Variants in ROBO2 observed in about 807,000 individuals in gnomAD.
ROBO2 encodes the protein roundabout guidance receptor 2.
In ROBO2, 53 loss-of-function variants were observed where a neutral mutation model predicts 160.8. The observed-to-expected ratio is 0.33, with a 90% CI of 0.26 to 0.41. The LOEUF (loss-of-function observed/expected upper bound fraction) is 0.41. Among genes scored for constraint, ROBO2 ranks in the 10% least tolerant of loss-of-function variants. The pLI, the probability that ROBO2 is intolerant of heterozygous loss-of-function variation, is 1.00. For missense variants in ROBO2, 1,577 were observed against 1,722.4 expected (o/e 0.92, Z 1.49); for synonymous variants, 664 against 611.7 (o/e 1.09, Z -1.26).
chr3:77,123,518 C>A (rs981443777), intron 2 of ROBO2, among the ~76,000 whole-genome samples: 1 of 151,994 alleles, frequency 6.6e-6, no homozygotes, highest in African/African-American at 2.4e-5. Flanking sequence ...GTTACTAGAG[C>A]TTTCTGTGAA....
At position 77,565,043 on chromosome 3, in the gene ROBO2, A is replaced by G. The variant is rs2093438522; in HGVS notation, c.1772A>G (p.Tyr591Cys). Residue 591 changes from tyrosine (Y) to cysteine (C), a missense_variant, in exon 12 of 26, where the codon TAC becomes TGC. Tyr to Cys is a radical substitution (Grantham distance 194). This residue lies in a region of ROBO2 where 940 missense variants were observed against 1,135.5 expected (regional missense o/e 0.83). Transcript: ENST00000461745. ...AGAGGACTGCGGCCCAATACAATCT[A>G]CTTATTCATGGTCAGAGCGATCAAC... The G allele has an allele frequency of 6.2e-7, 1 of 1,613,580 alleles. No individual in the cohort carries two copies. The highest frequency in any genetic ancestry group is 1.7e-5 in the Admixed American group (1 of 59,924).
intron 2 of ROBO2, among the ~76,000 whole-genome samples, chr3:77,141,553 A>C (rs1001614781): frequency 2.0e-5 from 3 of 152,112 alleles, no homozygotes; most frequent in African/African-American, 7.2e-5. Context: ...TCAGTTATTC[A>C]TTATGGTAAT....
chr3:76,098,150 A>G (rs112948824), intron 2 of ROBO2, among the ~76,000 whole-genome samples: 6 of 152,248 alleles, frequency 3.9e-5, no homozygotes, highest in Admixed American at 6.5e-5. Flanking sequence ...TTGATTCCTT[A>G]TAAATATTCA....
intron 2 of ROBO2, among the ~76,000 whole-genome samples, chr3:77,301,955 T>A (rs941558834): frequency 3.3e-5 from 5 of 151,884 alleles, no homozygotes; most frequent in Admixed American, 6.6e-5. Flanking sequence ...CAGAGTGGAG[T>A]GCAGTGGCAC....
At chr3:76,886,334 T>G (rs1028026158) in intron 2 of ROBO2, among the ~76,000 whole-genome samples, 33 of 152,016 alleles carry the variant, frequency 2.2e-4, no homozygotes, top group African/African-American at 7.2e-4. Context: ...GACACATAGT[T>G]CTTCAAAACT....
chr3:77,649,625 T>C (rs942076550), exon 26 of ROBO2: 1 of 152,204 alleles, frequency 6.6e-6, no homozygotes, highest in Non-Finnish European at 1.5e-5. Context: ...CTCTATAATG[T>C]GTACTTCAAA....
At chr3:76,507,882 G>A (rs1560063986) in intron 2 of ROBO2, among the ~76,000 whole-genome samples, 4 of 152,024 alleles carry the variant, frequency 2.6e-5, no homozygotes, top group Admixed American at 2.6e-4. Context: ...TCTTTCATAG[G>A]AAATCAAAGT....
chr3:76,044,907 T>G (rs775281437), intron 2 of ROBO2, among the ~76,000 whole-genome samples: 4 of 151,962 alleles, frequency 2.6e-5, no homozygotes, highest in Non-Finnish European at 4.4e-5. Context: ...TAGGCAGAGA[T>G]AAATAGAATG....
chr3:76,675,508 A>C (rs902773299), intron 2 of ROBO2, among the ~76,000 whole-genome samples: 4 of 152,202 alleles, frequency 2.6e-5, no homozygotes, highest in African/African-American at 9.6e-5. Context: ...GGAAGGGTTC[A>C]TGAATGCTTT....
Position 76,806,214 on chromosome 3 carries a change from C to CGTGTGTGTGTGT in ROBO2, c.110-291781_110-291770dup, listed in dbSNP as rs71104623. Among the ~76,000 whole-genome samples, 266 of 146,274 alleles carry CGTGTGTGTGTGT rather than the reference C, an allele frequency of 1.8e-3. 1 individual carries two copies. The highest frequency in any genetic ancestry group is 8.1e-3 in the South Asian group (37 of 4,554). On this transcript the variant is annotated intron_variant, in intron 2 of 26. Coordinates refer to the ROBO2 transcript ENST00000487694. ...AGGGTGTTTGTTTATTTTCTGTGTGCGTGTGTGTGTGTGTGTGTGTGTGTG... is the reference window on the plus strand; with the variant it reads ...AGGGTGTTTGTTTATTTTCTGTGTGCGTGTGTGTGTGTGTGTGTGTGTGTGTGTGTGTGTGTG...
At chr3:77,040,551 T>C (rs2063984934) in exon 1 of ROBO2, 2 of 1,402,566 alleles carry the variant, frequency 1.4e-6, no homozygotes, top group Non-Finnish European at 1.8e-6. Context: ...GCCAGAGTGC[T>C]GGAAATACAG....
chr3:77,292,670 T>A (rs1171503377), intron 2 of ROBO2, among the ~76,000 whole-genome samples: 1 of 149,370 alleles, frequency 6.7e-6, no homozygotes, highest in Non-Finnish European at 1.5e-5. Context: ...TAAAGTAAAA[T>A]TGACGGTTAA....
chr3:75,910,241 C>G (rs1946513197), intron 1 of ROBO2, among the ~76,000 whole-genome samples: 1 of 152,154 alleles, frequency 6.6e-6, no homozygotes, highest in Non-Finnish European at 1.5e-5. Context: ...TGTCCGACCA[C>G]ATGTATGAGA....
At chr3:76,117,882 G>T (rs2070546262) in intron 2 of ROBO2, among the ~76,000 whole-genome samples, 1 of 152,120 alleles carries the variant, frequency 6.6e-6, no homozygotes, top group Non-Finnish European at 1.5e-5. Context: ...CATCGTCTCA[G>T]TGGCCAGGGA....
At chr3:76,371,520 G>A (rs1022703137) in intron 2 of ROBO2, among the ~76,000 whole-genome samples, 3 of 151,666 alleles carry the variant, frequency 2.0e-5, no homozygotes, top group African/African-American at 7.3e-5. Context: ...AATTGTATAT[G>A]AGTCTTTGCA....
intron 2 of ROBO2, among the ~76,000 whole-genome samples, chr3:77,122,777 C>G (rs1489018539): frequency 6.6e-6 from 1 of 152,170 alleles, no homozygotes; most frequent in African/African-American, 2.4e-5. Flanking sequence ...GTCTTGTGTT[C>G]CCTCATTCTG....
Position 76,110,991 on chromosome 3 carries a change from G to T in ROBO2, c.109+173389G>T, listed in dbSNP as rs1157565050. Reference sequence around the variant, plus strand: ...GACTGTTGATTTTTTCAAAATTTTGGCCTGCCTAGTGTTAATGGTTTTATT... The same window carrying T: ...GACTGTTGATTTTTTCAAAATTTTGTCCTGCCTAGTGTTAATGGTTTTATT... On this transcript the variant is annotated intron_variant, in intron 2 of 26. Transcript: ENST00000487694. Among the ~76,000 whole-genome samples the T allele has an allele frequency of 3.3e-5, 5 of 151,928 alleles. No individual in the cohort carries two copies. The East Asian group carries it at 9.7e-4, about 29-fold the overall frequency.
chr3:77,553,111 A>C (rs902250077), intron 8 of ROBO2, among the ~76,000 whole-genome samples: 2 of 151,958 alleles, frequency 1.3e-5, no homozygotes, highest in African/African-American at 4.8e-5. Flanking sequence ...TTTTACTAAC[A>C]TCATGTGCTC....
rs940129864 is a variant in ROBO2 at position 77,220,469 on chromosome 3, T to G, written c.388+122129T>G. On this transcript the variant is annotated intron_variant, in intron 2 of 25. Coordinates refer to ENST00000461745, the Ensembl canonical transcript of ROBO2. Reference sequence around the variant, plus strand: ...TTTTAACTCAATGCTTTACATATATTAAAAAGTATTCATTTATATATGTCA... The same window carrying G: ...TTTTAACTCAATGCTTTACATATATGAAAAAGTATTCATTTATATATGTCA... Among the ~76,000 whole-genome samples, 10 of 152,100 alleles carry G rather than the reference T, an allele frequency of 6.6e-5. 1 individual carries two copies. Among genetic ancestry groups the G allele is most frequent in the African/African-American group, 2.2e-4 (9 of 41,408 alleles).
Sources: allele counts gnomAD v4.1 joint callset (sites outside exome capture counted in the v4.1 genomes callset), GRCh38; gene constraint gnomAD v4.1.1; regional missense constraint gnomAD v4.1.1; transcripts MANE v1.5; gene names NCBI Gene and HGNC (gene_info 2026-07-23, HGNC 2026-07-21).